TMEM132C: variants seen among roughly 807,000 people sequenced by gnomAD.
TMEM132C encodes protein phosphatase 1, regulatory subunit 152.
TMEM132C carries 29 observed loss-of-function variants against 61.4 expected under a neutral mutation model. The observed-to-expected ratio is 0.47, with a 90% confidence interval of 0.35 to 0.64. The LOEUF (loss-of-function observed/expected upper bound fraction) is 0.64. Ranked by LOEUF, TMEM132C falls within the 30% of genes least tolerant of loss-of-function variation. The pLI is 0.00. For synonymous variants in TMEM132C, 656 were observed against 633.1 expected (o/e 1.04, Z -0.54); for missense variants, 1,408 against 1,476.9 (o/e 0.95, Z 0.76).
chr12:128,563,664 A>C (rs950092884), intron 3 of TMEM132C, among the ~76,000 whole-genome samples: 2 of 152,184 alleles, frequency 1.3e-5, no homozygotes, highest in African/African-American at 4.8e-5. Context: ...TTCCCGGAAG[A>C]ATGACTCTTC....
intron 1 of TMEM132C, among the ~76,000 whole-genome samples, chr12:128,316,878 A>C (rs1350712598): frequency 6.6e-6 from 1 of 152,068 alleles, no homozygotes; most frequent in Non-Finnish European, 1.5e-5. Context: ...TTACATAGTT[A>C]TTTGTTTATT....
chr12:128,406,648 G>T (rs149459035), intron 1 of TMEM132C, among the ~76,000 whole-genome samples: 43 of 152,240 alleles, frequency 2.8e-4, no homozygotes, highest in Middle Eastern at 3.4e-3. Flanking sequence ...GAAGGAGCAA[G>T]ATGTATTTAA....
Position 128,696,121 on chromosome 12 carries a change from T to G in TMEM132C, c.1929+18T>G. On this transcript the variant is annotated intron_variant, in intron 7 of 8. Transcript: ENST00000435159. ...CCATCCAGGTAGGAAGCTGGGAGTC[T>G]CTGTGTCCCCAGCACTGGGCATGTG... The G allele has an allele frequency of 6.5e-7, 1 of 1,548,452 alleles. No homozygotes were observed. The highest frequency in any genetic ancestry group is 1.2e-5 in the South Asian group (1 of 83,570).
intron 1 of TMEM132C, among the ~76,000 whole-genome samples, chr12:128,352,274 C>T (rs949852725): frequency 5.9e-5 from 9 of 152,164 alleles, no homozygotes; most frequent in Non-Finnish European, 1.2e-4. Flanking sequence ...GCAAACATGT[C>T]CTTCTTCACA....
chr12:128,557,302 A>G (rs1874363983), intron 3 of TMEM132C, among the ~76,000 whole-genome samples: 2 of 152,202 alleles, frequency 1.3e-5, no homozygotes. Context: ...TCATAGTCTG[A>G]CATGTGGTCC....
At position 128,707,356 on chromosome 12, in the gene TMEM132C, G is replaced by A. The variant is rs944603064; in HGVS notation, c.*1061G>A. 3.3e-5 allele frequency: 5 copies of A among 152,200 alleles called. No homozygotes were observed. The allele number at this position is 152,200 out of a possible 1,614,324, so 9.4% of individuals were successfully genotyped here. A position where few individuals can be genotyped will look rare whatever the true frequency, so the allele number is the denominator to read the frequency against. On this transcript the variant is annotated 3_prime_UTR_variant, in exon 9 of 9. Transcript: ENST00000435159. ...CCCAGGTGTAATCAGAGCCAACCTG[G>A]TGGGCTTGGTCTATCACAAGACATA...
At chr12:128,544,394 G>A (rs1218203490) in intron 3 of TMEM132C, among the ~76,000 whole-genome samples, 1 of 152,212 alleles carries the variant, frequency 6.6e-6, no homozygotes, top group Non-Finnish European at 1.5e-5. Flanking sequence ...GACTTTCTGG[G>A]GGCCTTGCCC....
chr12:128,707,456 G>A lies in TMEM132C; in HGVS notation c.*1161G>A, dbSNP rs575523070. The stretch of plus-strand genomic sequence containing the variant: ...GTTGTTTTTCTTATGTTGTTGGGTG[G>A]GGTATACCAGCATAAACTCTAAAGA... On this transcript the variant is annotated 3_prime_UTR_variant, in exon 9 of 9. Transcript: ENST00000435159. 6.6e-6 allele frequency: 1 copy of A among 152,278 alleles called. No homozygotes were observed. The highest frequency in any genetic ancestry group is 1.9e-4 in the East Asian group (1 of 5,184). 9.4% of individuals were successfully genotyped at this position (152,278 alleles called of 1,614,324 possible). A position where few individuals can be genotyped will look rare whatever the true frequency, so the allele number is the denominator to read the frequency against.
chr12:128,582,689 C>T (rs925491101), intron 3 of TMEM132C, among the ~76,000 whole-genome samples: 3 of 152,164 alleles, frequency 2.0e-5, no homozygotes, highest in African/African-American at 7.2e-5. Flanking sequence ...GTAAAAAGTG[C>T]CTTTTGACTC....
intron 1 of TMEM132C, among the ~76,000 whole-genome samples, chr12:128,318,076 C>T (rs1872209204): frequency 6.6e-6 from 1 of 152,106 alleles, no homozygotes; most frequent in Non-Finnish European, 1.5e-5. Context: ...GGATGTCAGG[C>T]TGGGGCTCGG....
Position 128,691,927 on chromosome 12 carries a change from A to G in TMEM132C, c.1450-1902A>G, listed in dbSNP as rs527951449. 1.3e-4 allele frequency among the ~76,000 whole-genome samples: 18 copies of G among 141,556 alleles called. No individual in the cohort carries two copies. In the South Asian group the frequency reaches 2.9e-3, roughly 23 times the overall value. 92.9% of individuals were successfully genotyped at this position (141,556 alleles called of 152,430 possible). ...TGTCCATCCACCCATCAGTTCATCT[A>G]TCTATCCAGCTGTCTACCCATTTGT... On this transcript the variant is annotated intron_variant, in intron 5 of 8. Coordinates refer to ENST00000435159, the MANE Select transcript of TMEM132C (RefSeq NM_001136103.3).
chr12:128,647,262 A>G (rs914663467), intron 4 of TMEM132C, among the ~76,000 whole-genome samples: 3 of 148,898 alleles, frequency 2.0e-5, no homozygotes, highest in African/African-American at 7.4e-5. Flanking sequence ...ACTAGATCCC[A>G]TCAGTGTTGG....
At chr12:128,607,773 TGCACATTTCTCTCTCTAAGTATGCATA>T (rs752808128) in intron 3 of TMEM132C, among the ~76,000 whole-genome samples, 1 of 152,202 alleles carries the variant, frequency 6.6e-6, no homozygotes, top group Non-Finnish European at 1.5e-5. Context: ...GTGTTAGGTA[TGCACATTTCTCTCTCTAAGTATGCATA>T]GCACCCCTGG....
chr12:128,583,108 A>G (rs530942957), intron 3 of TMEM132C, among the ~76,000 whole-genome samples: 1 of 152,214 alleles, frequency 6.6e-6, no homozygotes, highest in Non-Finnish European at 1.5e-5. Context: ...ACTGAAAACA[A>G]CCCAAAAGTT....
At chr12:128,453,225 C>T (rs1478526531) in intron 2 of TMEM132C, among the ~76,000 whole-genome samples, 1 of 152,228 alleles carries the variant, frequency 6.6e-6, no homozygotes, top group East Asian at 1.9e-4. Context: ...GCAGCTGCTT[C>T]ACCGGCTCTT....
intron 2 of TMEM132C, among the ~76,000 whole-genome samples, chr12:128,501,536 C>T (rs776994657): frequency 3.3e-5 from 5 of 152,152 alleles, no homozygotes; most frequent in Admixed American, 1.3e-4. Context: ...AGCATCTAAA[C>T]GTACATTCTC....
At chr12:128,407,499 G>A (rs983957678) in intron 1 of TMEM132C, among the ~76,000 whole-genome samples, 3 of 152,256 alleles carry the variant, frequency 2.0e-5, no homozygotes, top group Admixed American at 6.5e-5. Flanking sequence ...TCATGTTCAA[G>A]GCCTCCTGAG....
At chr12:128,386,787 C>T (rs137873404) in intron 1 of TMEM132C, among the ~76,000 whole-genome samples, 7 of 152,138 alleles carry the variant, frequency 4.6e-5, no homozygotes, top group African/African-American at 1.4e-4. Flanking sequence ...GGTCCTGATG[C>T]GTAGTAGATG....
chr12:128,509,332 G>C (rs1166829522), intron 2 of TMEM132C, among the ~76,000 whole-genome samples: 1 of 152,126 alleles, frequency 6.6e-6, no homozygotes, highest in African/African-American at 2.4e-5. Context: ...GAAAGAAAAA[G>C]GGAAAAGAGT....
Sources: gnomAD v4.1 joint callset for allele counts (sites outside exome capture counted in the v4.1 genomes callset) on GRCh38, gnomAD v4.1.1 for gene constraint, MANE v1.5 for transcripts, NCBI Gene and HGNC (gene_info 2026-07-23, HGNC 2026-07-21) for gene names.